SLC14A1: variants seen among roughly 807,000 people sequenced by gnomAD.
The protein encoded by SLC14A1 is solute carrier family 14 member 1 (Kidd blood group), also known as urea transporter 1.
Under a neutral mutation model 39.6 loss-of-function variants are expected in SLC14A1, and 36 were observed. That is an observed-to-expected ratio of 0.91 (90% CI 0.70 to 1.20). The LOEUF (loss-of-function observed/expected upper bound fraction) is 1.20, where lower values mean the gene tolerates loss of function less well. Among genes scored for constraint, SLC14A1 ranks in the 50% most tolerant of loss-of-function variants. SLC14A1 has a pLI of 0.00. For missense variants in SLC14A1, 469 were observed against 478.7 expected (o/e 0.98, Z 0.19); for synonymous variants, 164 against 173.6 (o/e 0.94, Z 0.43).
Position 45,751,828 on chromosome 18 carries a change from A to C in SLC14A1, c.*1877A>C. On this transcript the variant is annotated 3_prime_UTR_variant, in exon 10 of 10. Coordinates refer to ENST00000321925, the MANE Select transcript of SLC14A1 (RefSeq NM_015865.7). ...AATTAATTAATTTAAAAAGGAAGTC[A>C]TGTTCATTTACTTTCCACTTCAGTG... 1.0e-6 allele frequency: 1 copy of C among 972,058 alleles called. No individual in the cohort carries two copies. The allele number at this position is 972,058 out of a possible 1,614,324, so 60.2% of individuals were successfully genotyped here. A position where few individuals can be genotyped will look rare whatever the true frequency, so the allele number is the denominator to read the frequency against.
chr18:45,751,805 T>G lies in SLC14A1; in HGVS notation c.*1854T>G. On this transcript the variant is annotated 3_prime_UTR_variant, in exon 10 of 10. Transcript: ENST00000321925. ...TCAAAAAAATTAATTAATTAATTAA[T>G]TAATTAATTTAAAAAGGAAGTCATG... is the stretch of plus-strand genomic sequence containing the variant. 2.3e-6 allele frequency: 2 copies of G among 886,986 alleles called. No homozygotes were observed. The highest frequency in any genetic ancestry group is 1.3e-6 in the Non-Finnish European group (1 of 740,972). The allele number at this position is 886,986 out of a possible 1,614,324, so 54.9% of individuals were successfully genotyped here. A position where few individuals can be genotyped will look rare whatever the true frequency, so the allele number is the denominator to read the frequency against.
chr18:45,734,548 T>C (rs749005267), intron 5 of SLC14A1, 146 bp downstream of exon 5: 31 of 913,296 alleles, frequency 3.4e-5, no homozygotes, highest in Middle Eastern at 3.2e-4. Context: ...TGTACAACAA[T>C]GTGATTGTCC....
rs1014592021 is a variant in SLC14A1 at position 45,750,032 on chromosome 18, G to C, written c.*81G>C. 3.1e-6 allele frequency: 5 copies of C among 1,611,602 alleles called. No homozygotes were observed. The African/African-American group carries it at 6.7e-5, about 22-fold the overall frequency. Reference sequence around the variant, plus strand: ...CTAACTTCCAGGGTCTCAGCAAACTGCTGTTTTTCACGAGTATCAACTTTC... The same window carrying C: ...CTAACTTCCAGGGTCTCAGCAAACTCCTGTTTTTCACGAGTATCAACTTTC... On this transcript the variant is annotated 3_prime_UTR_variant, in exon 10 of 10. Transcript: ENST00000321925.
chr18:45,744,676 C>T (rs2047491482), intron 8 of SLC14A1, among the ~76,000 whole-genome samples: 1 of 152,112 alleles, frequency 6.6e-6, no homozygotes, highest in South Asian at 2.1e-4. Flanking sequence ...CAAGTCCTCT[C>T]AACATGAGCC....
At chr18:45,728,651 T>C (rs2144741344) in intron 2 of SLC14A1, among the ~76,000 whole-genome samples, 1 of 152,358 alleles carries the variant, frequency 6.6e-6, no homozygotes, top group Non-Finnish European at 1.5e-5. Context: ...TACTTTTTCA[T>C]AAGTGCTTAA....
intron 3 of SLC14A1, 27 bp downstream of exon 3, chr18:45,730,498 G>T (rs1277854239): frequency 6.2e-7 from 1 of 1,613,188 alleles, no homozygotes; most frequent in Non-Finnish European, 8.5e-7. Flanking sequence ...ATTTTGGAGA[G>T]ACAGGAGAAG....
intron 8 of SLC14A1, among the ~76,000 whole-genome samples, chr18:45,744,119 T>G (rs533536802): frequency 1.3e-5 from 2 of 152,222 alleles, no homozygotes; most frequent in South Asian, 4.2e-4. Context: ...TTCAAGCGAT[T>G]CCTATGCCTC....
chr18:45,739,226 G>C lies in SLC14A1; in HGVS notation c.727G>C (p.Gly243Arg), dbSNP rs1474722717. 6.2e-7 allele frequency: 1 copy of C among 1,613,984 alleles called. No homozygotes were observed. Among genetic ancestry groups the C allele is most frequent in the Non-Finnish European group, 8.5e-7 (1 of 1,180,020 alleles). ...TGGCTGTGATAATCCATGGACAGGG[G>C]GCATTTTCCTGGGAGCCATCCTACT... The part of the protein sequence containing the change: ...IYGCDNPWTG[G>R]IFLGAILLSS... The change falls in exon 7 of 10, where the codon GGC becomes CGC. Residue 243 changes from glycine to arginine, a missense_variant. Transcript: ENST00000321925.
chr18:45,742,657 G>A (rs556953728), intron 8 of SLC14A1, among the ~76,000 whole-genome samples: 112 of 128,018 alleles, frequency 8.7e-4, no homozygotes, highest in African/African-American at 3.1e-3. Context: ...CGCACCTGGC[G>A]GGTGCTGAGT....
intron 6 of SLC14A1, among the ~76,000 whole-genome samples, chr18:45,737,200 A>G (rs961259218): frequency 2.0e-5 from 3 of 152,164 alleles, no homozygotes; most frequent in Non-Finnish European, 2.9e-5. Flanking sequence ...CTAAATCACA[A>G]TCTCTAAGGG....
chr18:45,739,459 C>G lies in SLC14A1; in HGVS notation c.812-69C>G, dbSNP rs944101375. 4.3e-6 allele frequency: 7 copies of G among 1,609,520 alleles called. No homozygotes were observed. In the African/African-American group the frequency reaches 8.0e-5, roughly 18 times the overall value. ...GGGATGCTTCCTGCTAACTTTCAAT[C>G]CCACCCTCAGTTTCCTTCCAGAACA... is the stretch of plus-strand genomic sequence containing the variant. On this transcript the variant is annotated intron_variant, in intron 7 of 9. Transcript: ENST00000321925.
At chr18:45,726,271 G>A (rs568011684) in intron 2 of SLC14A1, among the ~76,000 whole-genome samples, 2 of 152,190 alleles carry the variant, frequency 1.3e-5, no homozygotes, top group South Asian at 4.1e-4. Flanking sequence ...TCTGGTAAAG[G>A]GTAGGTTTTC....
chr18:45,750,458 G>C lies in SLC14A1; in HGVS notation c.*507G>C. On this transcript the variant is annotated 3_prime_UTR_variant, in exon 10 of 10. Coordinates refer to ENST00000321925, the MANE Select transcript of SLC14A1 (RefSeq NM_015865.7). Reference sequence around the variant, plus strand: ...CATTATAGCCAGAATCTGTATCACAGAGGTGCAAGCTGACAGCAGAGCTCA... The same window carrying C: ...CATTATAGCCAGAATCTGTATCACACAGGTGCAAGCTGACAGCAGAGCTCA... 9.5e-7 allele frequency: 1 copy of C among 1,050,724 alleles called. No homozygotes were observed. The highest frequency in any genetic ancestry group is 1.1e-6 in the Non-Finnish European group (1 of 870,438). The allele number at this position is 1,050,724 out of a possible 1,614,324, so 65.1% of individuals were successfully genotyped here.
At chr18:45,727,697 T>C (rs1190512363) in intron 2 of SLC14A1, among the ~76,000 whole-genome samples, 1 of 152,240 alleles carries the variant, frequency 6.6e-6, no homozygotes, top group Admixed American at 6.5e-5. Context: ...TTTTACTTAT[T>C]GTCCCTTCTT....
intron 2 of SLC14A1, among the ~76,000 whole-genome samples, chr18:45,727,665 G>T (rs573864521): frequency 6.6e-6 from 1 of 152,222 alleles, no homozygotes; most frequent in Non-Finnish European, 1.5e-5. Context: ...CGTTTACCCT[G>T]TGTCTATTTT....
intron 2 of SLC14A1, chr18:45,727,417 A>C (rs2144734941): frequency 2.6e-6 from 4 of 1,540,512 alleles, no homozygotes; most frequent in Non-Finnish European, 3.5e-6. Flanking sequence ...TCGCAGGAAC[A>C]GGTATGCTTC....
chr18:45,731,378 C>A (rs988336714), intron 4 of SLC14A1, 174 bp downstream of exon 4: 8 of 684,706 alleles, frequency 1.2e-5, no homozygotes, highest in South Asian at 8.0e-5. Flanking sequence ...CAGTCTCTTG[C>A]TCTTGATATC....
At chr18:45,726,426 A>G (rs1444556644) in intron 2 of SLC14A1, among the ~76,000 whole-genome samples, 1 of 152,208 alleles carries the variant, frequency 6.6e-6, no homozygotes, top group African/African-American at 2.4e-5. Context: ...AGGAAAAAGA[A>G]AATTTATAAA....
chr18:45,732,417 A>C (rs1339856788), intron 4 of SLC14A1, among the ~76,000 whole-genome samples: 1 of 152,236 alleles, frequency 6.6e-6, no homozygotes, highest in Non-Finnish European at 1.5e-5. Context: ...CTCTACTGTC[A>C]TGTGTAGTCC....
Sources: gnomAD v4.1 joint callset for allele counts (sites outside exome capture counted in the v4.1 genomes callset) on GRCh38, gnomAD v4.1.1 for gene constraint, MANE v1.5 for transcripts, NCBI Gene and HGNC (gene_info 2026-07-23, HGNC 2026-07-21) for gene names.